The following LCORL variants were observed in gnomAD, a reference collection of about 807,000 sequenced individuals.
LCORL encodes the protein ligand-dependent nuclear receptor corepressor-like protein.
Under a neutral mutation model 141.8 loss-of-function variants are expected in LCORL, and 41 were observed. That is an observed-to-expected ratio of 0.29 (90% CI 0.23 to 0.38). LCORL has a LOEUF of 0.38. Among genes scored for constraint, LCORL ranks in the 10% least tolerant of loss-of-function variants. The pLI, the probability that LCORL is intolerant of heterozygous loss-of-function variation, is 1.00. For missense variants in LCORL, 1,759 were observed against 2,035.0 expected, an observed-to-expected ratio of 0.86 and a Z score of 2.61; for synonymous variants, 618 against 694.1, an observed-to-expected ratio of 0.89 and a Z score of 1.72.
At chr4:17,890,102 T>C (rs1405347152) in intron 5 of LCORL, among the ~76,000 whole-genome samples, 1 of 152,108 alleles carries the variant, frequency 6.6e-6, no homozygotes, top group Admixed American at 6.6e-5. Flanking sequence ...TCAGGTTGTT[T>C]TAGTTTTTCA....
At chr4:17,876,584 G>A (rs948420113) in exon 7 of LCORL, 32 of 1,230,408 alleles carry the variant, frequency 2.6e-5, no homozygotes, top group Middle Eastern at 6.2e-4. Context: ...TTGTGGATTC[G>A]GATACTTTTT....
At chr4:18,020,679 A>AT (rs1725360508) in intron 1 of LCORL, 6 of 152,466 alleles carry the variant, frequency 3.9e-5, no homozygotes, top group Admixed American at 3.9e-4. Flanking sequence ...AGGCAAAACG[A>AT]TTCAGATCCA....
At chr4:17,982,099 C>CGTGTGTGTGTGTGT (rs57094203) in intron 1 of LCORL, among the ~76,000 whole-genome samples, 167 of 136,582 alleles carry the variant, frequency 1.2e-3, no homozygotes, top group East Asian at 5.2e-3. Flanking sequence ...AGTATTCCAT[C>CGTGTGTGTGTGTGT]GTGTGTGTGT....
intron 2 of LCORL, among the ~76,000 whole-genome samples, chr4:17,964,143 G>A (rs993090684): frequency 1.1e-4 from 16 of 152,172 alleles, no homozygotes; most frequent in African/African-American, 3.1e-4. Context: ...TTTAATTTCT[G>A]CAGTAGTACA....
chr4:17,961,805 A>T (rs1713846258), intron 4 of LCORL, 98 bp downstream of exon 4: 1 of 835,492 alleles, frequency 1.2e-6, no homozygotes, highest in Non-Finnish European at 1.8e-6. Flanking sequence ...TAAAGAGTGA[A>T]GTAGAGAGAC....
intron 4 of LCORL, among the ~76,000 whole-genome samples, chr4:17,914,628 A>C (rs1047230286): frequency 7.2e-5 from 11 of 152,210 alleles, no homozygotes; most frequent in African/African-American, 2.7e-4. Flanking sequence ...CACTTGCACA[A>C]GTTGTCATAA....
At chr4:17,887,572 C>G (rs1239055737) in intron 5 of LCORL, among the ~76,000 whole-genome samples, 1 of 151,994 alleles carries the variant, frequency 6.6e-6, no homozygotes, top group Non-Finnish European at 1.5e-5. Context: ...ATAGCAAAGG[C>G]CAGGGTATCT....
rs184895928 is a variant in LCORL at position 17,923,875 on chromosome 4, G to A, written c.431-14530C>T. On this transcript the variant is annotated intron_variant, in intron 4 of 7. Coordinates refer to ENST00000635767, the Ensembl canonical transcript of LCORL. Reference sequence around the variant, plus strand: ...ACAAGGGCAGCACTGCGTCTTTCCCGAATTTCTTTGTCACCAATTTCCCAA... The same window carrying A: ...ACAAGGGCAGCACTGCGTCTTTCCCAAATTTCTTTGTCACCAATTTCCCAA... Among the ~76,000 whole-genome samples the A allele has an allele frequency of 9.9e-5, 15 of 152,110 alleles. No homozygotes were observed. The East Asian group carries it at 2.7e-3, about 28-fold the overall frequency.
In LCORL at chr4:17,842,614, G is replaced by A; in HGVS notation, c.*3274C>T. The A allele has an allele frequency of 7.3e-6, 3 of 408,610 alleles. No individual in the cohort carries two copies. In the East Asian group the frequency reaches 1.3e-4, roughly 18 times the overall value. The allele number at this position is 408,610 out of a possible 1,614,324, so 25.3% of individuals were successfully genotyped here. A position where few individuals can be genotyped will look rare whatever the true frequency, so the allele number is the denominator to read the frequency against. The stretch of plus-strand genomic sequence containing the variant: ...TGGTCTTTAGTACTATCTTTAATAT[G>A]TTGTTTCAATTTTTAATTACATGAT... On this transcript the variant is annotated 3_prime_UTR_variant, in exon 8 of 8. Transcript: ENST00000635767.
intron 1 of LCORL, among the ~76,000 whole-genome samples, chr4:17,994,944 G>A (rs1720672734): frequency 7.3e-6 from 1 of 137,340 alleles, no homozygotes; most frequent in South Asian, 2.3e-4. Flanking sequence ...AAATGTTTGA[G>A]GGAAAATGTC....
intron 4 of LCORL, among the ~76,000 whole-genome samples, chr4:17,952,406 C>G (rs930805554): frequency 6.7e-5 from 10 of 149,104 alleles, no homozygotes; most frequent in Non-Finnish European, 1.3e-4. Flanking sequence ...TCTTTCCCCT[C>G]AAAAACAATT....
intron 1 of LCORL, among the ~76,000 whole-genome samples, chr4:18,014,618 A>G (rs1253298163): frequency 2.0e-5 from 3 of 152,242 alleles, no homozygotes; most frequent in African/African-American, 7.2e-5. Flanking sequence ...TGGGGAAACT[A>G]TATGAAAGGA....
rs562179263 is a variant in LCORL, at chr4:18,013,534, C to T, written c.154+8064G>A. On this transcript the variant is annotated intron_variant, in intron 1 of 7. Transcript: ENST00000635767. ...TTATCCCAGTTTCATAGGTTTCCATCTGTAAAAAGTGGAATGATTTGTGCC... is the reference window on the plus strand; with the variant it reads ...TTATCCCAGTTTCATAGGTTTCCATTTGTAAAAAGTGGAATGATTTGTGCC... 2.4e-3 allele frequency among the ~76,000 whole-genome samples: 369 copies of T among 152,252 alleles called. 1 individual carries two copies. Among genetic ancestry groups the T allele is most frequent in the African/African-American group, 7.9e-3 (330 of 41,542 alleles).
At chr4:17,924,456 C>T (rs1054156757) in intron 4 of LCORL, among the ~76,000 whole-genome samples, 1 of 152,186 alleles carries the variant, frequency 6.6e-6, no homozygotes, top group African/African-American at 2.4e-5. Flanking sequence ...GGGACCAACA[C>T]TGAGCCCTCA....
At chr4:17,934,897 A>AG (rs761445245) in intron 4 of LCORL, among the ~76,000 whole-genome samples, 6 of 152,224 alleles carry the variant, frequency 3.9e-5, no homozygotes, top group Non-Finnish European at 8.8e-5. Flanking sequence ...TCCTCAGGCT[A>AG]GAACAGAATA....
exon 7 of LCORL, chr4:17,877,966 T>C: frequency 8.1e-7 from 1 of 1,230,690 alleles, no homozygotes; most frequent in Non-Finnish European, 1.0e-6. Context: ...TCTGCCAGCC[T>C]ATATTCACAA....
chr4:17,914,366 G>A (rs551552990), intron 4 of LCORL, among the ~76,000 whole-genome samples: 6 of 152,100 alleles, frequency 3.9e-5, no homozygotes, highest in Non-Finnish European at 8.8e-5. Context: ...CTGTCATAAA[G>A]GACAGACATT....
exon 7 of LCORL, chr4:17,876,510 A>G (rs1726938692): frequency 2.4e-6 from 3 of 1,230,758 alleles, no homozygotes; most frequent in African/African-American, 1.6e-5. Context: ...ATTCATTGCA[A>G]TTTTGTTTAG....
intron 6 of LCORL, chr4:17,880,434 T>A: frequency 1.1e-6 from 1 of 916,684 alleles, no homozygotes; most frequent in Non-Finnish European, 1.3e-6. Flanking sequence ...TTCTAACCTT[T>A]TCCTGTTTGA....
Sources: gnomAD v4.1 joint callset for allele counts (sites outside exome capture counted in the v4.1 genomes callset) on GRCh38, gnomAD v4.1.1 for gene constraint, MANE v1.5 for transcripts, NCBI Gene and HGNC (gene_info 2026-07-23, HGNC 2026-07-21) for gene names.